SEC24B: variants seen among roughly 807,000 people sequenced by gnomAD.
SEC24B encodes protein transport protein Sec24B.
SEC24B carries 45 observed loss-of-function variants against 142.8 expected under a neutral mutation model. The ratio of observed to expected loss-of-function variants is 0.32; its 90% CI spans 0.25 to 0.40. The LOEUF is 0.40. Ranked by LOEUF, SEC24B falls within the 10% of genes least tolerant of loss-of-function variation. The pLI is 1.00. For synonymous variants in SEC24B, 574 were observed against 568.2 expected, an observed-to-expected ratio of 1.01 and a Z score of -0.15; for missense variants, 1,409 against 1,526.8, an observed-to-expected ratio of 0.92 and a Z score of 1.29.
At chr4:109,461,866 TG>T (rs775454864) in intron 1 of SEC24B, among the ~76,000 whole-genome samples, 1 of 152,166 alleles carries the variant, frequency 6.6e-6, no homozygotes, top group Non-Finnish European at 1.5e-5. Context: ...CCCAGCATTT[TG>T]GGAGGTTGAG....
At chr4:109,487,626 A>G (rs1469402519) in intron 4 of SEC24B, among the ~76,000 whole-genome samples, 1 of 152,206 alleles carries the variant, frequency 6.6e-6, no homozygotes, top group Admixed American at 6.5e-5. Context: ...TACCTTTTTG[A>G]TTTATTTGCC....
chr4:109,523,470 C>CA (rs537383034), intron 14 of SEC24B, among the ~76,000 whole-genome samples: 214 of 145,764 alleles, frequency 1.5e-3, no homozygotes, highest in South Asian at 5.9e-3. Flanking sequence ...GACCCGGTCT[C>CA]AAAAAAAAAG....
At chr4:109,483,355 A>T (rs1278026578) in intron 4 of SEC24B, among the ~76,000 whole-genome samples, 1 of 152,016 alleles carries the variant, frequency 6.6e-6, no homozygotes, top group Non-Finnish European at 1.5e-5. Context: ...CTGGGATTAC[A>T]GGTGTGAGCC....
chr4:109,511,890 T>C (rs748040462), intron 8 of SEC24B, 67 bp from the exon 9 acceptor site: 3 of 1,493,898 alleles, frequency 2.0e-6, no homozygotes, highest in African/African-American at 1.4e-5. Context: ...TTGGAGCAGA[T>C]CTGTGTACGT....
chr4:109,470,747 T>C (rs543046839), intron 2 of SEC24B, among the ~76,000 whole-genome samples: 2 of 152,272 alleles, frequency 1.3e-5, no homozygotes, highest in East Asian at 1.9e-4. Flanking sequence ...TATTCTTCCA[T>C]TGGATTTCTG....
chr4:109,526,404 T>C lies in SEC24B; in HGVS notation c.2965+5T>C. 1 of 1,596,650 alleles carries C rather than the reference T, an allele frequency of 6.3e-7. No individual in the cohort carries two copies. The highest frequency in any genetic ancestry group is 8.6e-7 in the Non-Finnish European group (1 of 1,167,784). On this transcript the variant is annotated splice_donor_5th_base_variant and intron_variant, in intron 17 of 23. Transcript: ENST00000265175. ...TATTATATACATCAAGCAAAGGTAA[T>C]GTTAACAGAAATGAAATATAGTCTG... is the stretch of plus-strand genomic sequence containing the variant.
intron 5 of SEC24B, among the ~76,000 whole-genome samples, chr4:109,494,131 C>T (rs1430986280): frequency 1.1e-4 from 16 of 151,646 alleles, no homozygotes; most frequent in Admixed American, 9.2e-4. Flanking sequence ...TTTGTGTGTG[C>T]GTTTGTGTGT....
intron 14 of SEC24B, among the ~76,000 whole-genome samples, chr4:109,524,299 CT>C (rs1370081925): frequency 1.3e-5 from 2 of 151,816 alleles, no homozygotes; most frequent in Admixed American, 6.6e-5. Flanking sequence ...AGGATTGAAA[CT>C]TTTTTTTAGG....
At chr4:109,436,879 A>G (rs1728455965) in intron 1 of SEC24B, among the ~76,000 whole-genome samples, 1 of 152,222 alleles carries the variant, frequency 6.6e-6, no homozygotes, top group Admixed American at 6.5e-5. Context: ...TTTGCCCTGT[A>G]CATCTCTTTC....
intron 7 of SEC24B, among the ~76,000 whole-genome samples, chr4:109,507,771 G>A (rs1208794887): frequency 1.3e-5 from 2 of 151,966 alleles, no homozygotes; most frequent in African/African-American, 4.8e-5. Flanking sequence ...TTAGCCTCCC[G>A]AGTACCTGGG....
rs542303489 is a variant in SEC24B at position 109,512,127 on chromosome 4, T to G, written c.1903+44T>G. On this transcript the variant is annotated intron_variant, in intron 9 of 23. Coordinates refer to ENST00000265175, the MANE Select transcript of SEC24B (RefSeq NM_006323.5). ...ATTGTGTTTTAATCCTATTTTCAGGTTTTTTTTTTTGAGATTTTTGTCATC... is the reference window on the plus strand; with the variant it reads ...ATTGTGTTTTAATCCTATTTTCAGGGTTTTTTTTTTGAGATTTTTGTCATC... The G allele has an allele frequency of 7.4e-5, 82 of 1,102,400 alleles. No homozygotes were observed. The Middle Eastern group carries it at 9.3e-4, about 13-fold the overall frequency. The allele number at this position is 1,102,400 out of a possible 1,614,324, so 68.3% of individuals were successfully genotyped here. A position where few individuals can be genotyped will look rare whatever the true frequency, so the allele number is the denominator to read the frequency against.
intron 2 of SEC24B, among the ~76,000 whole-genome samples, chr4:109,467,941 G>T (rs975010716): frequency 4.6e-5 from 7 of 152,104 alleles, no homozygotes; most frequent in Admixed American, 2.0e-4. Flanking sequence ...TAGCCAAAAG[G>T]CCGAGAAGCG....
chr4:109,460,039 A>T (rs1731098747), intron 1 of SEC24B, among the ~76,000 whole-genome samples: 1 of 152,186 alleles, frequency 6.6e-6, no homozygotes, highest in South Asian at 2.1e-4. Context: ...CATCTAAAAT[A>T]ATCTAAGAAA....
At chr4:109,482,959 T>TAC (rs1486200185) in intron 4 of SEC24B, among the ~76,000 whole-genome samples, 4 of 53,358 alleles carry the variant, frequency 7.5e-5, no homozygotes, top group African/African-American at 6.2e-4. Flanking sequence ...TATATATATA[T>TAC]ATATATATAT....
chr4:109,494,688 T>C lies in SEC24B; in HGVS notation c.1320T>C (p.Ala440=), dbSNP rs1288178522. 1 of 1,613,870 alleles carries C rather than the reference T, an allele frequency of 6.2e-7. No individual in the cohort carries two copies. Among genetic ancestry groups the C allele is most frequent in the African/African-American group, 1.3e-5 (1 of 74,922 alleles). Reference sequence around the variant, plus strand: ...AACCTGATCCTGCTTCTGCTCCAGCTCCAGCTTCAGCTCCAGCTCCTGTCG... The same window carrying C: ...AACCTGATCCTGCTTCTGCTCCAGCCCCAGCTTCAGCTCCAGCTCCTGTCG... ...APEPDPASAP[A]PASAPAPVVP... is the part of the protein sequence containing the mutation. Residue 440 remains alanine (A), a synonymous_variant, in exon 6 of 24, where the codon GCT becomes GCC. Transcript: ENST00000265175.
intron 1 of SEC24B, among the ~76,000 whole-genome samples, chr4:109,448,016 G>A (rs776332523): frequency 1.4e-4 from 22 of 152,188 alleles, no homozygotes; most frequent in Non-Finnish European, 1.5e-4. Flanking sequence ...GAATTCTTCT[G>A]TAGTCACATC....
At chr4:109,495,164 C>G (rs1735410504) in intron 6 of SEC24B, among the ~76,000 whole-genome samples, 2 of 152,004 alleles carry the variant, frequency 1.3e-5, no homozygotes, top group East Asian at 3.9e-4. Flanking sequence ...ATTTTATAAT[C>G]AGAAAATTTA....
intron 1 of SEC24B, among the ~76,000 whole-genome samples, chr4:109,435,315 TC>T (rs1561049672): frequency 6.6e-6 from 1 of 152,226 alleles, no homozygotes; most frequent in Non-Finnish European, 1.5e-5. Context: ...ATAAACCTGT[TC>T]TGAACAAATG....
intron 4 of SEC24B, among the ~76,000 whole-genome samples, chr4:109,483,004 ATAT>A (rs1288552853): frequency 6.4e-5 from 6 of 94,272 alleles, no homozygotes; most frequent in African/African-American, 3.5e-4. Context: ...ACACACACAC[ATAT>A]TATACATATG....
Sources: allele counts gnomAD v4.1 joint callset (sites outside exome capture counted in the v4.1 genomes callset), GRCh38; gene constraint gnomAD v4.1.1; transcripts MANE v1.5; gene names NCBI Gene and HGNC (gene_info 2026-07-23, HGNC 2026-07-21).